GRID2: variants seen among roughly 807,000 people sequenced by gnomAD.
GRID2 encodes glutamate ionotropic receptor delta type subunit 2, also known as glutamate receptor ionotropic, delta-2.
In GRID2, 33 loss-of-function variants were observed where a neutral mutation model predicts 114.8. The ratio of observed to expected loss-of-function variants is 0.29; its 90% CI spans 0.22 to 0.38. GRID2 has a LOEUF of 0.38. GRID2 is among the 10% of genes least tolerant of loss of function. The probability of loss-of-function intolerance (pLI) is 1.00; values close to 1 mark genes in which losing one functional copy is unlikely to be tolerated. For missense variants in GRID2, 1,184 were observed against 1,257.7 expected (o/e 0.94, Z 0.89); for synonymous variants, 505 against 449.9 (o/e 1.12, Z -1.55).
chr4:93,400,214 G>A (rs533243691), intron 9 of GRID2, among the ~76,000 whole-genome samples: 1 of 152,166 alleles, frequency 6.6e-6, no homozygotes, highest in East Asian at 1.9e-4. Context: ...TGTGAGGATT[G>A]CATATGTTGG....
At chr4:92,517,190 C>G in intron 1 of GRID2, among the ~76,000 whole-genome samples, 1 of 151,832 alleles carries the variant, frequency 6.6e-6, no homozygotes. Flanking sequence ...ATAATAAGAT[C>G]GTTCAGCAAG....
chr4:93,630,462 C>A (rs1743143081), intron 14 of GRID2, among the ~76,000 whole-genome samples: 1 of 152,058 alleles, frequency 6.6e-6, no homozygotes, highest in Non-Finnish European at 1.5e-5. Context: ...AAAAAGATAA[C>A]CAAAAAGTAT....
chr4:92,872,249 T>C (rs139256862), intron 2 of GRID2, among the ~76,000 whole-genome samples: 1 of 152,246 alleles, frequency 6.6e-6, no homozygotes, highest in Admixed American at 6.5e-5. Flanking sequence ...ATGAACACAT[T>C]TATGAAGAAA....
intron 2 of GRID2, among the ~76,000 whole-genome samples, chr4:92,756,531 A>C (rs1737728214): frequency 6.6e-6 from 1 of 152,164 alleles, no homozygotes; most frequent in Non-Finnish European, 1.5e-5. Flanking sequence ...ATTGTTTTCT[A>C]TAATGGCTTC....
intron 2 of GRID2, among the ~76,000 whole-genome samples, chr4:92,802,949 A>G (rs1740244481): frequency 6.6e-6 from 1 of 151,944 alleles, no homozygotes; most frequent in Non-Finnish European, 1.5e-5. Context: ...GTGAATCCCA[A>G]AGAAAGTTCA....
chr4:93,734,955 A>G (rs1400287666), intron 14 of GRID2, among the ~76,000 whole-genome samples: 2 of 152,036 alleles, frequency 1.3e-5, no homozygotes, highest in Admixed American at 6.6e-5. Flanking sequence ...CTGCAAATTC[A>G]TTTTGAAGTG....
intron 1 of GRID2, among the ~76,000 whole-genome samples, chr4:92,436,427 G>A (rs575681440): frequency 6.6e-6 from 1 of 152,010 alleles, no homozygotes; most frequent in Non-Finnish European, 1.5e-5. Flanking sequence ...TTATTATAGG[G>A]CTAAAGATTT....
chr4:92,877,727 G>A (rs1448337462), intron 2 of GRID2, among the ~76,000 whole-genome samples: 1 of 152,100 alleles, frequency 6.6e-6, no homozygotes, highest in South Asian at 2.1e-4. Context: ...ATATAGTCCT[G>A]CAAAGTGGTT....
intron 2 of GRID2, among the ~76,000 whole-genome samples, chr4:92,648,619 T>C (rs1440672904): frequency 6.7e-6 from 1 of 149,320 alleles, no homozygotes; most frequent in African/African-American, 2.5e-5. Flanking sequence ...TTAAGAGTAA[T>C]TAATAAGACT....
chr4:92,690,473 T>A (rs574269392), intron 2 of GRID2, among the ~76,000 whole-genome samples: 94 of 152,278 alleles, frequency 6.2e-4, no homozygotes, highest in African/African-American at 2.2e-3. Flanking sequence ...CAGATCACCA[T>A]AACAGATATA....
intron 2 of GRID2, among the ~76,000 whole-genome samples, chr4:92,900,698 G>T (rs1747504461): frequency 2.0e-5 from 3 of 152,124 alleles, no homozygotes; most frequent in Admixed American, 2.0e-4. Context: ...TCCAGGCGTG[G>T]TGGCATGTGC....
Position 92,865,696 on chromosome 4 carries a change from C to T in GRID2, c.245-219299C>T, listed in dbSNP as rs147988921. Among the ~76,000 whole-genome samples, 576 of 152,178 alleles carry T rather than the reference C, an allele frequency of 3.8e-3. 2 individuals are homozygous for T. The highest frequency in any genetic ancestry group is 0.013 in the African/African-American group (559 of 41,530). Reference sequence around the variant, plus strand: ...GATATAGAGTACAAAAATAAGATCCCGTGTGTTTTTCAAATAAGTTGAATG... The same window carrying T: ...GATATAGAGTACAAAAATAAGATCCTGTGTGTTTTTCAAATAAGTTGAATG... On this transcript the variant is annotated intron_variant, in intron 2 of 15. Transcript: ENST00000282020.
At position 93,422,978 on chromosome 4, in the gene GRID2, A is replaced by G; in HGVS notation, c.1545+10A>G. The G allele has an allele frequency of 6.4e-7, 1 of 1,566,674 alleles. No individual in the cohort carries two copies. Among genetic ancestry groups the G allele is most frequent in the Non-Finnish European group, 8.8e-7 (1 of 1,137,166 alleles). On this transcript the variant is annotated intron_variant, in intron 10 of 15. Transcript: ENST00000282020. ...AGAACTTGTCTTTAAGGTAAGAATT[A>G]CTTTATTTATTTGTCTCATACTTAA...
intron 2 of GRID2, among the ~76,000 whole-genome samples, chr4:93,069,821 G>A (rs1578898985): frequency 6.6e-6 from 1 of 152,100 alleles, no homozygotes; most frequent in East Asian, 1.9e-4. Flanking sequence ...CATCTAAACT[G>A]GAACTAAAAA....
chr4:92,379,342 C>T (rs1316107920), intron 1 of GRID2, among the ~76,000 whole-genome samples: 1 of 151,776 alleles, frequency 6.6e-6, no homozygotes, highest in Non-Finnish European at 1.5e-5. Context: ...TGAGTTTGGG[C>T]TTTGTGTAAT....
At chr4:92,778,522 C>T (rs956483802) in intron 2 of GRID2, among the ~76,000 whole-genome samples, 8 of 151,934 alleles carry the variant, frequency 5.3e-5, no homozygotes, top group East Asian at 1.9e-4. Context: ...TTTTTGACAA[C>T]GGTTTTACGA....
intron 2 of GRID2, among the ~76,000 whole-genome samples, chr4:92,836,697 G>GC (rs1398594806): frequency 2.0e-5 from 3 of 152,042 alleles, no homozygotes; most frequent in Non-Finnish European, 4.4e-5. Flanking sequence ...TAGAAAGACG[G>GC]CCCTAGCCTA....
At chr4:93,668,293 G>C (rs1560881709) in intron 14 of GRID2, among the ~76,000 whole-genome samples, 1 of 151,970 alleles carries the variant, frequency 6.6e-6, no homozygotes. Context: ...TACCATGAGA[G>C]ATTACTGAAA....
At chr4:92,705,863 A>G (rs1477990869) in intron 2 of GRID2, among the ~76,000 whole-genome samples, 2 of 152,194 alleles carry the variant, frequency 1.3e-5, no homozygotes, top group African/African-American at 2.4e-5. Context: ...AGAGGTACAG[A>G]TAATGAAAAT....
Sources: allele counts gnomAD v4.1 joint callset (sites outside exome capture counted in the v4.1 genomes callset), GRCh38; gene constraint gnomAD v4.1.1; transcripts MANE v1.5; gene names NCBI Gene and HGNC (gene_info 2026-07-23, HGNC 2026-07-21).